The following LRRC4C variants were observed in gnomAD, a reference collection of about 807,000 sequenced individuals.
LRRC4C encodes the protein leucine-rich repeat-containing protein 4C.
Under a neutral mutation model 33.6 loss-of-function variants are expected in LRRC4C, and 5 were observed. The observed-to-expected ratio is 0.15, with a 90% CI of 0.08 to 0.31. The LOEUF (loss-of-function observed/expected upper bound fraction) is 0.31, where lower values mean the gene tolerates loss of function less well. Ranked by LOEUF, LRRC4C falls within the 10% of genes least tolerant of loss-of-function variation. The pLI, the probability that LRRC4C is intolerant of heterozygous loss-of-function variation, is 1.00. For missense variants in LRRC4C, 560 were observed against 796.7 expected, an observed-to-expected ratio of 0.70 and a Z score of 3.58; for synonymous variants, 329 against 302.0, an observed-to-expected ratio of 1.09 and a Z score of -0.93.
At chr11:40,209,979 A>G (rs1181427835) in intron 5 of LRRC4C, among the ~76,000 whole-genome samples, 1 of 152,180 alleles carries the variant, frequency 6.6e-6, no homozygotes, top group Non-Finnish European at 1.5e-5. Flanking sequence ...AGTACATCAC[A>G]CACTTGGATA....
chr11:40,306,942 T>G (rs1355310083), intron 4 of LRRC4C, among the ~76,000 whole-genome samples: 1 of 30,454 alleles, frequency 3.3e-5, no homozygotes, highest in Non-Finnish European at 1.4e-4. Context: ...GGTTATCTGG[T>G]TTTTTTTTTT....
chr11:40,545,357 C>T (rs888972864), intron 3 of LRRC4C, among the ~76,000 whole-genome samples: 1 of 152,012 alleles, frequency 6.6e-6, no homozygotes, highest in Non-Finnish European at 1.5e-5. Flanking sequence ...AGCAACTCTT[C>T]TTCCATTACT....
chr11:40,433,384 C>T (rs1951014229), intron 3 of LRRC4C, among the ~76,000 whole-genome samples: 1 of 146,504 alleles, frequency 6.8e-6, no homozygotes, highest in Non-Finnish European at 1.5e-5. Context: ...TATTTTAACT[C>T]ATGAGTTACT....
At chr11:40,264,056 T>C (rs954074160) in intron 4 of LRRC4C, among the ~76,000 whole-genome samples, 3 of 152,196 alleles carry the variant, frequency 2.0e-5, no homozygotes, top group Admixed American at 6.5e-5. Context: ...TAGATCTGTA[T>C]ATTGTAATTG....
In LRRC4C at chr11:40,846,651, G is replaced by A. The variant is rs537705988; in HGVS notation, c.-407+86984C>T. ...TCTTGGCTATTATGGCTCTTTTTTG[G>A]TTTCATATGAAATTTAAACTAGTTT... On this transcript the variant is annotated intron_variant, in intron 2 of 6. Coordinates refer to ENST00000528697, the MANE Select transcript of LRRC4C (RefSeq NM_001258419.2). Among the ~76,000 whole-genome samples the A allele has an allele frequency of 1.2e-3, 177 of 151,946 alleles. 1 individual carries two copies. Among genetic ancestry groups the A allele is most frequent in the African/African-American group, 4.1e-3 (168 of 41,444 alleles).
intron 1 of LRRC4C, among the ~76,000 whole-genome samples, chr11:41,365,844 T>G (rs957916234): frequency 6.6e-6 from 1 of 152,186 alleles, no homozygotes; most frequent in Non-Finnish European, 1.5e-5. Context: ...AATCTTGGAC[T>G]CAAGAACAAG....
intron 2 of LRRC4C, among the ~76,000 whole-genome samples, chr11:40,837,761 G>A (rs1025551458): frequency 1.3e-5 from 2 of 151,452 alleles, no homozygotes; most frequent in South Asian, 4.1e-4. Flanking sequence ...GAAGAGGTAG[G>A]ATTGCTTGAG....
chr11:40,123,668 G>T (rs1855992426), intron 6 of LRRC4C, among the ~76,000 whole-genome samples: 1 of 151,944 alleles, frequency 6.6e-6, no homozygotes, highest in Non-Finnish European at 1.5e-5. Flanking sequence ...ATTACACTAA[G>T]CAATCTACAG....
intron 4 of LRRC4C, among the ~76,000 whole-genome samples, chr11:40,296,359 A>G (rs1944511947): frequency 6.6e-6 from 1 of 152,152 alleles, no homozygotes; most frequent in Non-Finnish European, 1.5e-5. Flanking sequence ...CTTTTCTCAT[A>G]TATATCACCT....
chr11:40,331,920 CGTACAT>C (rs1946381627), intron 3 of LRRC4C, among the ~76,000 whole-genome samples: 1 of 152,106 alleles, frequency 6.6e-6, no homozygotes, highest in Non-Finnish European at 1.5e-5. Context: ...ATAAATCCTG[CGTACAT>C]GTTCATTTAT....
chr11:40,913,794 C>A (rs1358756974), intron 2 of LRRC4C, among the ~76,000 whole-genome samples: 2 of 151,992 alleles, frequency 1.3e-5, no homozygotes, highest in Non-Finnish European at 2.9e-5. Flanking sequence ...AATTGGTAGA[C>A]CACTAGTAAG....
At chr11:41,410,227 G>A (rs1275532645) in intron 1 of LRRC4C, among the ~76,000 whole-genome samples, 1 of 152,096 alleles carries the variant, frequency 6.6e-6, no homozygotes, top group African/African-American at 2.4e-5. Context: ...TATTGATGAA[G>A]CAGAATTCTT....
chr11:40,995,006 G>T (rs1000231191), intron 1 of LRRC4C, among the ~76,000 whole-genome samples: 1 of 152,056 alleles, frequency 6.6e-6, no homozygotes, highest in Non-Finnish European at 1.5e-5. Context: ...ATTCAGAGAG[G>T]ACTGATACAG....
At chr11:40,161,014 C>G (rs1859108205) in intron 5 of LRRC4C, among the ~76,000 whole-genome samples, 1 of 152,152 alleles carries the variant, frequency 6.6e-6, no homozygotes, top group Admixed American at 6.5e-5. Flanking sequence ...CTTGAATATC[C>G]TATAACCAGA....
intron 3 of LRRC4C, among the ~76,000 whole-genome samples, chr11:40,405,345 A>G (rs957085640): frequency 3.9e-5 from 6 of 151,992 alleles, no homozygotes; most frequent in African/African-American, 1.4e-4. Context: ...GTTATCAAAA[A>G]TGGAATCTGG....
At chr11:41,344,308 C>T (rs1407519017) in intron 1 of LRRC4C, among the ~76,000 whole-genome samples, 3 of 148,166 alleles carry the variant, frequency 2.0e-5, no homozygotes, top group African/African-American at 7.5e-5. Flanking sequence ...CTCGCTGCAA[C>T]CTCCCGGGTT....
At chr11:41,050,032 T>C (rs1858088736) in intron 1 of LRRC4C, among the ~76,000 whole-genome samples, 2 of 152,180 alleles carry the variant, frequency 1.3e-5, no homozygotes, top group Admixed American at 6.5e-5. Flanking sequence ...GTAAATAGTA[T>C]GATATAGGCT....
At chr11:41,180,766 A>G (rs1313535475) in intron 1 of LRRC4C, among the ~76,000 whole-genome samples, 1 of 152,186 alleles carries the variant, frequency 6.6e-6, no homozygotes, top group Admixed American at 6.5e-5. Context: ...CATGGCCCAG[A>G]TACAGATCTC....
rs567871770 is a variant in LRRC4C, at chr11:40,723,769, G to A, written c.-406-75491C>T. ...AAAACCTCACATATCAATATTAAGT[G>A]TGAATGCAAATAGTCTAAACACCCA... On this transcript the variant is annotated intron_variant, in intron 2 of 6. Transcript: ENST00000528697. 7.4e-4 allele frequency among the ~76,000 whole-genome samples: 113 copies of A among 152,208 alleles called. 1 individual carries two copies. Among genetic ancestry groups the A allele is most frequent in the African/African-American group, 2.6e-3 (107 of 41,542 alleles).
Sources: gnomAD v4.1 joint callset for allele counts (sites outside exome capture counted in the v4.1 genomes callset) on GRCh38, gnomAD v4.1.1 for gene constraint, MANE v1.5 for transcripts, NCBI Gene and HGNC (gene_info 2026-07-23, HGNC 2026-07-21) for gene names.